CSGALNACT1: variants seen among roughly 807,000 people sequenced by gnomAD.
CSGALNACT1 encodes chondroitin sulfate N-acetylgalactosaminyltransferase 1.
In CSGALNACT1, 52 loss-of-function variants were observed where a neutral mutation model predicts 51.0. That is an observed-to-expected ratio of 1.02 (90% CI 0.82 to 1.29). CSGALNACT1 has a LOEUF of 1.29. Among genes scored for constraint, CSGALNACT1 ranks in the 50% most tolerant of loss-of-function variants. The probability of loss-of-function intolerance (pLI) is 0.00; values close to 1 mark genes in which losing one functional copy is unlikely to be tolerated. For missense variants in CSGALNACT1, 935 were observed against 679.2 expected (o/e 1.38, Z -4.19); for synonymous variants, 341 against 254.4 (o/e 1.34, Z -3.24).
chr8:19,537,247 C>G (rs1264804874), intron 3 of CSGALNACT1, among the ~76,000 whole-genome samples: 1 of 152,080 alleles, frequency 6.6e-6, no homozygotes, highest in Non-Finnish European at 1.5e-5. Flanking sequence ...TCCTTCTTTG[C>G]AGTTTTGATG....
At chr8:19,524,449 G>C (rs377751420) in intron 3 of CSGALNACT1, among the ~76,000 whole-genome samples, 64 of 152,046 alleles carry the variant, frequency 4.2e-4, no homozygotes, top group Admixed American at 8.5e-4. Context: ...TCTAGATTTT[G>C]TTTTTCTAGT....
At chr8:19,606,207 T>C (rs1235368304), upstream of CSGALNACT1, among the ~76,000 whole-genome samples, 1 of 152,250 alleles carries the variant, frequency 6.6e-6, no homozygotes, top group Non-Finnish European at 1.5e-5. Flanking sequence ...GTCTGCCAAC[T>C]AGAAGTTCCC....
chr8:19,670,942 G>A (rs968572185), intron 1 of CSGALNACT1, among the ~76,000 whole-genome samples: 3 of 152,152 alleles, frequency 2.0e-5, no homozygotes, highest in African/African-American at 7.2e-5. Context: ...ACTTAAGGGA[G>A]GACAAGGCCA....
intron 3 of CSGALNACT1, among the ~76,000 whole-genome samples, chr8:19,568,454 A>T (rs1159790173): frequency 1.3e-5 from 2 of 152,180 alleles, no homozygotes; most frequent in African/African-American, 4.8e-5. Context: ...TGGCTGTATA[A>T]GAATTCTGAT....
At chr8:19,510,373 A>T (rs1263258905) in intron 3 of CSGALNACT1, among the ~76,000 whole-genome samples, 1 of 152,250 alleles carries the variant, frequency 6.6e-6, no homozygotes, top group Admixed American at 6.5e-5. Flanking sequence ...TCTGAGACCC[A>T]GAAACAACCT....
intron 3 of CSGALNACT1, among the ~76,000 whole-genome samples, chr8:19,581,250 G>A (rs1001538311): frequency 2.6e-5 from 4 of 152,164 alleles, no homozygotes; most frequent in South Asian, 2.1e-4. Context: ...AGCTAGGATT[G>A]GGGAGCAATA....
intron 3 of CSGALNACT1, among the ~76,000 whole-genome samples, chr8:19,585,614 T>A (rs2046450625): frequency 6.6e-6 from 1 of 152,184 alleles, no homozygotes; most frequent in Middle Eastern, 3.2e-3. Context: ...ATTCCCTGAT[T>A]GGTAATTGTA....
chr8:19,528,151 G>T (rs1419238917), intron 3 of CSGALNACT1, among the ~76,000 whole-genome samples: 2 of 152,108 alleles, frequency 1.3e-5, no homozygotes, highest in African/African-American at 4.8e-5. Context: ...ACTGACTGAG[G>T]TAGCCTGGCT....
chr8:19,452,881 TG>T (rs2063445915), intron 5 of CSGALNACT1, among the ~76,000 whole-genome samples: 1 of 152,188 alleles, frequency 6.6e-6, no homozygotes, highest in Non-Finnish European at 1.5e-5. Flanking sequence ...ACAAAGCCCC[TG>T]GGGGTTCTTC....
intron 4 of CSGALNACT1, among the ~76,000 whole-genome samples, chr8:19,494,152 C>A (rs1004873299): frequency 6.6e-6 from 1 of 152,278 alleles, no homozygotes; most frequent in East Asian, 1.9e-4. Context: ...TATCACCTTG[C>A]CATGCCCTCT....
chr8:19,685,589 G>C (rs1246172148), upstream of CSGALNACT1, among the ~76,000 whole-genome samples: 3 of 152,190 alleles, frequency 2.0e-5, no homozygotes, highest in Non-Finnish European at 4.4e-5. Flanking sequence ...TCTTTAAAAG[G>C]AACGGTTTCA....
At chr8:19,563,030 A>C (rs2041115312) in intron 3 of CSGALNACT1, among the ~76,000 whole-genome samples, 1 of 152,212 alleles carries the variant, frequency 6.6e-6, no homozygotes, top group Non-Finnish European at 1.5e-5. Flanking sequence ...ATCAACCCAA[A>C]TGCCCATCAA....
intron 9 of CSGALNACT1, among the ~76,000 whole-genome samples, chr8:19,406,964 C>A (rs2054329155): frequency 6.6e-6 from 1 of 152,230 alleles, no homozygotes; most frequent in African/African-American, 2.4e-5. Context: ...CCACCTTGGC[C>A]TCCCAGAGTG....
At chr8:19,736,546 T>A (rs1187941065) in intron 1 of CSGALNACT1, among the ~76,000 whole-genome samples, 1 of 151,714 alleles carries the variant, frequency 6.6e-6, no homozygotes, top group Non-Finnish European at 1.5e-5. Context: ...CCAGGAATCA[T>A]CCAAAGAGTG....
chr8:19,473,466 A>C (rs1002131628), intron 4 of CSGALNACT1, among the ~76,000 whole-genome samples: 2 of 152,192 alleles, frequency 1.3e-5, no homozygotes, highest in African/African-American at 4.8e-5. Flanking sequence ...AGACACACAG[A>C]GTCTCCTGGC....
intron 8 of CSGALNACT1, 29 bp from the exon 8 acceptor site, chr8:19,408,723 G>C: frequency 6.2e-7 from 1 of 1,604,384 alleles, no homozygotes; most frequent in South Asian, 1.1e-5. Flanking sequence ...CATTTGAGGG[G>C]AAAGTTTAGG....
chr8:19,454,418 C>T (rs1256830282), intron 5 of CSGALNACT1, among the ~76,000 whole-genome samples: 2 of 152,226 alleles, frequency 1.3e-5, no homozygotes, highest in African/African-American at 4.8e-5. Flanking sequence ...CGCCTGTAAT[C>T]CCAGCACTTT....
At chr8:19,552,568 AG>A (rs1271124253) in intron 3 of CSGALNACT1, among the ~76,000 whole-genome samples, 3 of 152,214 alleles carry the variant, frequency 2.0e-5, no homozygotes, top group Non-Finnish European at 2.9e-5. Context: ...CTCAGTTTCA[AG>A]ATACATACTT....
chr8:19,633,373 C>T (rs770377348), intron 1 of CSGALNACT1, among the ~76,000 whole-genome samples: 1 of 152,116 alleles, frequency 6.6e-6, no homozygotes, highest in Non-Finnish European at 1.5e-5. Flanking sequence ...TGCTACCATA[C>T]AATTAAGGGC....
Sources: gnomAD v4.1 joint callset for allele counts (sites outside exome capture counted in the v4.1 genomes callset) on GRCh38, gnomAD v4.1.1 for gene constraint, MANE v1.5 for transcripts, NCBI Gene and HGNC (gene_info 2026-07-23, HGNC 2026-07-21) for gene names.